The following TFAP2B variants were observed in gnomAD, a reference collection of about 807,000 sequenced individuals.
TFAP2B encodes transcription factor AP-2 beta, also known as transcription factor AP-2-beta.
Under a neutral mutation model 44.3 loss-of-function variants are expected in TFAP2B, and 9 were observed. The observed-to-expected ratio is 0.20, with a 90% CI of 0.12 to 0.35. The LOEUF is 0.35. TFAP2B is among the 10% of genes least tolerant of loss of function. The probability of loss-of-function intolerance (pLI) is 1.00; values close to 1 mark genes in which losing one functional copy is unlikely to be tolerated. For missense variants in TFAP2B, 509 were observed against 600.0 expected (o/e 0.85, Z 1.59); for synonymous variants, 270 against 263.8 (o/e 1.02, Z -0.23).
intron 3 of TFAP2B, among the ~76,000 whole-genome samples, chr6:50,832,829 T>C (rs1484773845): frequency 6.6e-6 from 1 of 152,224 alleles, no homozygotes; most frequent in Non-Finnish European, 1.5e-5. Context: ...AACTAATGAA[T>C]AGTATTTTCT....
Position 50,823,829 on chromosome 6 carries a change from G to T in TFAP2B, c.504G>T (p.Leu168=), listed in dbSNP as rs1770428932. The T allele has an allele frequency of 6.4e-7, 1 of 1,565,248 alleles. No homozygotes were observed. The highest frequency in any genetic ancestry group is 8.7e-7 in the Non-Finnish European group (1 of 1,155,858). ...LDAGMGDSLS[L]HGLGHPGMED... is the part of the protein sequence containing the mutation. Reference sequence around the variant, plus strand: ...CGGGCATGGGTGACAGCCTCTCGCTGCACGGCCTCGGCCATCCCGGAATGG... The same window carrying T: ...CGGGCATGGGTGACAGCCTCTCGCTTCACGGCCTCGGCCATCCCGGAATGG... The change falls in exon 2 of 7, where the codon CTG becomes CTT. Residue 168 remains leucine (L), a synonymous_variant. Transcript: ENST00000393655.
intron 5 of TFAP2B, 57 bp downstream of exon 5, chr6:50,838,150 G>A: frequency 7.7e-7 from 1 of 1,305,914 alleles, no homozygotes; most frequent in South Asian, 1.2e-5. Context: ...TCGGCTGGAG[G>A]CTGACATTTT....
At chr6:50,836,006 G>A (rs866319867) in intron 3 of TFAP2B, 55 bp from the exon 4 acceptor site, 3 of 1,364,072 alleles carry the variant, frequency 2.2e-6, no homozygotes, top group Middle Eastern at 3.6e-4. Context: ...TCTATCAGCC[G>A]GTCATCAGGA....
At chr6:50,821,809 A>ATC in intron 1 of TFAP2B, 3 of 255,734 alleles carry the variant, frequency 1.2e-5, no homozygotes, top group Admixed American at 4.9e-5. Context: ...GGTGTAGGCA[A>ATC]GCGGAGGGAG....
intron 4 of TFAP2B, 38 bp from the exon 5 acceptor site, chr6:50,837,937 T>G: frequency 6.6e-7 from 1 of 1,524,648 alleles, no homozygotes; most frequent in Non-Finnish European, 9.1e-7. Flanking sequence ...TCAGGAACAC[T>G]CTAAGGTTAA....
Position 50,836,199 on chromosome 6 carries a change from A to G in TFAP2B, c.740A>G (p.Lys247Arg). Residue 247 changes from lysine to arginine, a missense_variant, in exon 4 of 7, where the codon AAA (lysine) becomes AGA (arginine). Transcript: ENST00000393655. ...CTGCTCAGTTCAACTTCGAAGTACA[A>G]AGTAACTGTGGGAGAAGTTCAGAGA... Reference protein sequence around the residue: ...LSLLSSTSKYKVTVGEVQRRL... With the variant: ...LSLLSSTSKYRVTVGEVQRRL... 2 of 1,613,804 alleles carry G rather than the reference A, an allele frequency of 1.2e-6. No individual in the cohort carries two copies. Among genetic ancestry groups the G allele is most frequent in the Non-Finnish European group, 1.7e-6 (2 of 1,180,012 alleles).
intron 4 of TFAP2B, 116 bp from the exon 5 acceptor site, chr6:50,837,859 G>T (rs924895977): frequency 4.2e-5 from 36 of 857,610 alleles, no homozygotes; most frequent in Middle Eastern, 4.4e-4. Flanking sequence ...GGGGAAAAAT[G>T]TGCTAACCTC....
At chr6:50,833,213 G>T (rs1192157698) in intron 3 of TFAP2B, among the ~76,000 whole-genome samples, 2 of 152,148 alleles carry the variant, frequency 1.3e-5, no homozygotes, top group Admixed American at 1.3e-4. Context: ...GCCCTGTTGA[G>T]CTCTGGGTTT....
intron 3 of TFAP2B, 40 bp from the exon 4 acceptor site, chr6:50,836,021 A>C (rs1762612838): frequency 6.5e-7 from 1 of 1,540,318 alleles, no homozygotes; most frequent in Non-Finnish European, 9.0e-7. Flanking sequence ...TCAGGATCGA[A>C]ACTTGGTCAC....
intron 2 of TFAP2B, 40 bp from the exon 3 acceptor site, chr6:50,828,579 T>C (rs1268457769): frequency 1.3e-6 from 2 of 1,562,068 alleles, no homozygotes; most frequent in Non-Finnish European, 1.8e-6. Flanking sequence ...AATTCTTTAA[T>C]ATCCTGTCAA....
At chr6:50,835,377 G>T (rs896368693) in intron 3 of TFAP2B, among the ~76,000 whole-genome samples, 2 of 152,160 alleles carry the variant, frequency 1.3e-5, no homozygotes, top group African/African-American at 4.8e-5. Flanking sequence ...TGAGCATTTG[G>T]GTTCCTTTCT....
In TFAP2B at chr6:50,845,879, G is replaced by A. The variant is rs903375174; in HGVS notation, c.*2487G>A. 1 of 152,680 alleles carries A rather than the reference G, an allele frequency of 6.5e-6. No homozygotes were observed. Among genetic ancestry groups the A allele is most frequent in the African/African-American group, 2.4e-5 (1 of 41,470 alleles). 9.5% of individuals were successfully genotyped at this position (152,680 alleles called of 1,614,324 possible). A position where few individuals can be genotyped will look rare whatever the true frequency, so the allele number is the denominator to read the frequency against. On this transcript the variant is annotated 3_prime_UTR_variant, in exon 7 of 7. Transcript: ENST00000393655. ...TCCCGCTCTCGGTCTCACCCTAAGGGCTAAGGCGACCGAGAAAGCCCCATT... is the reference window on the plus strand; with the variant it reads ...TCCCGCTCTCGGTCTCACCCTAAGGACTAAGGCGACCGAGAAAGCCCCATT...
In TFAP2B at chr6:50,821,419, T is replaced by TA. The variant is rs1426646214; in HGVS notation, c.82-1988_82-1987insA. ...AACCCTTTTTATTTTGTTTTTGTAATCCTCACACAAAGCACCCAAGGCGAC... is the reference window on the plus strand; with the variant it reads ...AACCCTTTTTATTTTGTTTTTGTAATACCTCACACAAAGCACCCAAGGCGAC... On this transcript the variant is annotated intron_variant, in intron 1 of 6. Coordinates refer to ENST00000393655, the MANE Select transcript of TFAP2B (RefSeq NM_003221.4). Among the ~76,000 whole-genome samples the TA allele has an allele frequency of 2.6e-5, 4 of 152,182 alleles. No individual in the cohort carries two copies. The East Asian group carries it at 7.7e-4, about 29-fold the overall frequency.
intron 3 of TFAP2B, among the ~76,000 whole-genome samples, chr6:50,833,902 ATAGTATT>A (rs1217477272): frequency 3.3e-5 from 5 of 152,208 alleles, no homozygotes; most frequent in African/African-American, 1.2e-4. Flanking sequence ...AATATTCTAA[ATAGTATT>A]TAGAGATAAA....
intron 4 of TFAP2B, among the ~76,000 whole-genome samples, chr6:50,837,624 G>C (rs1762647978): frequency 1.3e-5 from 2 of 152,080 alleles, no homozygotes; most frequent in African/African-American, 4.8e-5. Flanking sequence ...TGCTTGCCCA[G>C]TTTCTGCTCA....
At chr6:50,824,954 C>A (rs1298469315) in intron 2 of TFAP2B, among the ~76,000 whole-genome samples, 1 of 152,164 alleles carries the variant, frequency 6.6e-6, no homozygotes, top group African/African-American at 2.4e-5. Context: ...ATTTATTATG[C>A]ATCCTTTGAC....
chr6:50,822,290 G>T (rs1026328253), intron 1 of TFAP2B: 8 of 786,236 alleles, frequency 1.0e-5, no homozygotes, highest in African/African-American at 1.8e-5. Context: ...AGCGCCTTTG[G>T]CTTGGTAATT....
rs1273289453 is a variant in TFAP2B, at chr6:50,823,724, G to C, written c.399G>C (p.Ser133=). ...CTCGGGCCGCCTTGCCCCAGCTCTCGGGCCTTGACCCCCGGAGGGACTACC... is the reference window on the plus strand; with the variant it reads ...CTCGGGCCGCCTTGCCCCAGCTCTCCGGCCTTGACCCCCGGAGGGACTACC... The part of the protein sequence containing the change: ...PQPRAALPQL[S]GLDPRRDYHS... The change falls in exon 2 of 7, where the codon TCG becomes TCC. Residue 133 remains serine (S), a synonymous_variant. Coordinates refer to ENST00000393655, the MANE Select transcript of TFAP2B (RefSeq NM_003221.4). The C allele has an allele frequency of 1.9e-6, 3 of 1,612,304 alleles. No homozygotes were observed. The highest frequency in any genetic ancestry group is 1.7e-6 in the Non-Finnish European group (2 of 1,179,268).
At chr6:50,835,378 G>T (rs1420586404) in intron 3 of TFAP2B, among the ~76,000 whole-genome samples, 4 of 152,208 alleles carry the variant, frequency 2.6e-5, no homozygotes, top group Non-Finnish European at 1.5e-5. Flanking sequence ...GAGCATTTGG[G>T]TTCCTTTCTA....
Sources: allele counts gnomAD v4.1 joint callset (sites outside exome capture counted in the v4.1 genomes callset), GRCh38; gene constraint gnomAD v4.1.1; transcripts MANE v1.5; gene names NCBI Gene and HGNC (gene_info 2026-07-23, HGNC 2026-07-21).